Variants in PSMC6 observed in about 807,000 individuals in gnomAD.
PSMC6 encodes the protein proteasome 26S subunit, ATPase 6.
PSMC6 carries 3 observed loss-of-function variants against 55.9 expected under a neutral mutation model. That is an observed-to-expected ratio of 0.05 (90% CI 0.02 to 0.14). The LOEUF is 0.14. PSMC6 is among the 10% of genes least tolerant of loss of function. The pLI is 1.00. For synonymous variants in PSMC6, 137 were observed against 155.9 expected, an observed-to-expected ratio of 0.88 and a Z score of 0.90; for missense variants, 210 against 478.7, an observed-to-expected ratio of 0.44 and a Z score of 5.24.
chr14:52,711,154 A>G lies in PSMC6; in HGVS notation c.312A>G (p.Thr104=), dbSNP rs1447669927. 3.1e-6 allele frequency: 5 copies of G among 1,613,560 alleles called. No individual in the cohort carries two copies. Among genetic ancestry groups the G allele is most frequent in the Admixed American group, 1.7e-5 (1 of 59,990 alleles). ...PGTRVALDMT[T]LTIMRYLPRE... ...CAAGAGTTGCTTTGGATATGACTAC[A>G]CTAACTATCATGAGGTGGGTTTCTT... Residue 104 remains threonine (T), a synonymous_variant, in exon 5 of 14, where the codon ACA becomes ACG. Transcript: ENST00000445930.
Position 52,707,258 on chromosome 14 carries a change from C to G in PSMC6, c.39C>G (p.Arg13=), listed in dbSNP as rs1363119025. 1 of 1,614,114 alleles carries G rather than the reference C, an allele frequency of 6.2e-7. No individual in the cohort carries two copies. Among genetic ancestry groups the G allele is most frequent in the Admixed American group, 1.7e-5 (1 of 60,022 alleles). The change falls in exon 1 of 14, where the codon CGC becomes CGG. Residue 13 remains arginine, a synonymous_variant. Coordinates refer to ENST00000445930, the MANE Select transcript of PSMC6 (RefSeq NM_002806.5). ...DPRDKALQDY[R]KKLLEHKEID... ...GAGATAAGGCGCTTCAGGACTACCG[C>G]AAGAAGTTGCTTGAACACAAGGAGA...
At chr14:52,708,208 TA>T in intron 1 of PSMC6, 100 bp from the exon 2 acceptor site, 1 of 986,234 alleles carries the variant, frequency 1.0e-6, no homozygotes, top group Non-Finnish European at 1.5e-6. Context: ...GAAACTTAGG[TA>T]AAGTGAAGTA....
intron 13 of PSMC6, among the ~76,000 whole-genome samples, 192 bp downstream of exon 13, chr14:52,724,228 T>C (rs933190878): frequency 2.0e-5 from 3 of 151,908 alleles, no homozygotes; most frequent in African/African-American, 7.3e-5. Context: ...AATATGAGGG[T>C]GCACCATTGA....
intron 7 of PSMC6, among the ~76,000 whole-genome samples, chr14:52,717,730 C>T (rs1343247171): frequency 6.6e-6 from 1 of 151,960 alleles, no homozygotes; most frequent in Non-Finnish European, 1.5e-5. Context: ...AAATTTGTTT[C>T]ACATAGGCCG....
chr14:52,724,592 G>A (rs1470781162), intron 13 of PSMC6, among the ~76,000 whole-genome samples: 1 of 152,204 alleles, frequency 6.6e-6, no homozygotes, highest in Non-Finnish European at 1.5e-5. Flanking sequence ...TGTTTTGAAA[G>A]ATTGATTTAT....
chr14:52,717,508 T>G (rs1389914906), intron 7 of PSMC6, among the ~76,000 whole-genome samples: 1 of 151,612 alleles, frequency 6.6e-6, no homozygotes, highest in Non-Finnish European at 1.5e-5. Context: ...GCTAATTTTT[T>G]GTATTTTTAG....
chr14:52,718,800 A>T, intron 9 of PSMC6, 177 bp from the exon 10 acceptor site: 1 of 597,276 alleles, frequency 1.7e-6, no homozygotes, highest in Non-Finnish European at 2.9e-6. Flanking sequence ...ATAACCTTTC[A>T]CTTTAACAAA....
intron 4 of PSMC6, 136 bp from the exon 5 acceptor site, chr14:52,710,965 A>G: frequency 2.9e-6 from 2 of 692,570 alleles, no homozygotes; most frequent in Non-Finnish European, 2.5e-6. Context: ...TTTTGTTAGC[A>G]TAGAGTTTAT....
Position 52,727,633 on chromosome 14 carries a change from T to G in PSMC6, c.*16T>G, listed in dbSNP as rs376392749. Reference sequence around the variant, plus strand: ...ACCTGTGTAATTTACTGTAAGATTTTTGATGGCTGCATGACAGATGTTGGC... The same window carrying G: ...ACCTGTGTAATTTACTGTAAGATTTGTGATGGCTGCATGACAGATGTTGGC... On this transcript the variant is annotated 3_prime_UTR_variant, in exon 14 of 14. Coordinates refer to ENST00000445930, the MANE Select transcript of PSMC6 (RefSeq NM_002806.5). The G allele has an allele frequency of 1.9e-6, 3 of 1,541,408 alleles. No individual in the cohort carries two copies. The African/African-American group carries it at 4.1e-5, about 21-fold the overall frequency.
intron 7 of PSMC6, among the ~76,000 whole-genome samples, chr14:52,716,168 A>G (rs2041828300): frequency 6.6e-6 from 1 of 152,230 alleles, no homozygotes; most frequent in Non-Finnish European, 1.5e-5. Flanking sequence ...TGTTGTAAGT[A>G]GATAGCTATT....
intron 7 of PSMC6, among the ~76,000 whole-genome samples, chr14:52,716,268 T>G (rs1016325608): frequency 1.3e-5 from 2 of 152,228 alleles, no homozygotes; most frequent in African/African-American, 4.8e-5. Flanking sequence ...GCACAGCCAT[T>G]TTTGAAAACA....
At chr14:52,712,577 C>G (rs1430333968) in intron 6 of PSMC6, among the ~76,000 whole-genome samples, 1 of 152,074 alleles carries the variant, frequency 6.6e-6, no homozygotes, top group Non-Finnish European at 1.5e-5. Flanking sequence ...ATTGATTTCT[C>G]TCACTTCTGG....
At chr14:52,714,848 A>G (rs2041812451) in intron 7 of PSMC6, among the ~76,000 whole-genome samples, 1 of 141,256 alleles carries the variant, frequency 7.1e-6, no homozygotes, top group Non-Finnish European at 1.5e-5. Flanking sequence ...CCTGGCTGAC[A>G]GAGTGAGACT....
At chr14:52,715,002 T>G (rs1171032502) in intron 7 of PSMC6, among the ~76,000 whole-genome samples, 17 of 152,166 alleles carry the variant, frequency 1.1e-4, no homozygotes, top group Admixed American at 1.1e-3. Flanking sequence ...TGTTGACATT[T>G]GTGCTGATGG....
At chr14:52,707,549 A>G (rs2041716741) in intron 1 of PSMC6, 2 of 479,326 alleles carry the variant, frequency 4.2e-6, no homozygotes, top group Admixed American at 3.6e-5. Context: ...AAAAAGAAGT[A>G]GAGGAGGAGT....
Position 52,727,530 on chromosome 14 carries a change from T to A in PSMC6, c.1083T>A (p.Phe361Leu). 6.2e-7 allele frequency: 1 copy of A among 1,612,022 alleles called. No individual in the cohort carries two copies. The change falls in exon 14 of 14, where the codon TTT becomes TTA. Residue 361 changes from phenylalanine to leucine, a missense_variant. Coordinates refer to ENST00000445930, the MANE Select transcript of PSMC6 (RefSeq NM_002806.5). ...GMFAIRADHDFVVQEDFMKAV... is the reference protein window; with the variant it reads ...GMFAIRADHDLVVQEDFMKAV... ...TCGCAATTCGTGCTGATCATGATTT[T>A]GTAGTACAGGAAGACTTCATGAAAG...
At chr14:52,713,331 T>G (rs1404777147) in intron 6 of PSMC6, among the ~76,000 whole-genome samples, 2 of 152,236 alleles carry the variant, frequency 1.3e-5, no homozygotes, top group African/African-American at 4.8e-5. Context: ...TGAATCAGTC[T>G]TGAGAGCAGA....
Position 52,727,167 on chromosome 14 carries a change from C to T in PSMC6, c.1052-332C>T, listed in dbSNP as rs551966590. Among the ~76,000 whole-genome samples the T allele has an allele frequency of 9.3e-4, 140 of 150,420 alleles. 1 individual carries two copies. The highest frequency in any genetic ancestry group is 3.4e-3 in the Middle Eastern group (1 of 290). On this transcript the variant is annotated intron_variant, in intron 13 of 13. Transcript: ENST00000445930. ...TCCCGAGTAGCTGGGACTACAGGCG[C>T]GCGCCACCATGCCCAGCTAATTTTT...
At chr14:52,709,421 T>G (rs1416470215) in intron 4 of PSMC6, among the ~76,000 whole-genome samples, 1 of 152,222 alleles carries the variant, frequency 6.6e-6, no homozygotes, top group Non-Finnish European at 1.5e-5. Context: ...GGTTCAGGTT[T>G]TAAAACATTC....
Sources: allele counts gnomAD v4.1 joint callset (sites outside exome capture counted in the v4.1 genomes callset), GRCh38; gene constraint gnomAD v4.1.1; transcripts MANE v1.5; gene names NCBI Gene and HGNC (gene_info 2026-07-23, HGNC 2026-07-21).